The following SUGCT variants were observed in gnomAD, a reference collection of about 807,000 sequenced individuals.
SUGCT encodes succinyl-CoA:glutarate CoA-transferase.
SUGCT carries 41 observed loss-of-function variants against 55.0 expected under a neutral mutation model. The ratio of observed to expected loss-of-function variants is 0.74; its 90% confidence interval spans 0.58 to 0.97. The LOEUF (loss-of-function observed/expected upper bound fraction) is 0.97. Among genes scored for constraint, SUGCT ranks in the 50% least tolerant of loss-of-function variants. The probability of loss-of-function intolerance (pLI) is 0.00; values close to 1 mark genes in which losing one functional copy is unlikely to be tolerated. For synonymous variants in SUGCT, 187 were observed against 200.4 expected (o/e 0.93, Z 0.56); for missense variants, 568 against 547.8 (o/e 1.04, Z -0.37).
At chr7:40,791,142 A>C (rs1404691820) in intron 13 of SUGCT, among the ~76,000 whole-genome samples, 1 of 152,228 alleles carries the variant, frequency 6.6e-6, no homozygotes, top group East Asian at 1.9e-4. Flanking sequence ...TTGACAGAAA[A>C]AGCATTTGCT....
At chr7:40,528,154 T>C (rs1439631653) in intron 12 of SUGCT, among the ~76,000 whole-genome samples, 1 of 152,184 alleles carries the variant, frequency 6.6e-6, no homozygotes. Flanking sequence ...ACAGTGAAGA[T>C]TGAATGAAAT....
At chr7:40,353,991 C>G (rs146434437) in intron 9 of SUGCT, among the ~76,000 whole-genome samples, 46 of 152,188 alleles carry the variant, frequency 3.0e-4, no homozygotes, top group African/African-American at 9.6e-4. Context: ...GACAAGAGAC[C>G]GGGAAGTAGC....
At chr7:40,810,446 A>G (rs1344409822) in intron 13 of SUGCT, among the ~76,000 whole-genome samples, 2 of 152,090 alleles carry the variant, frequency 1.3e-5, no homozygotes, top group Non-Finnish European at 2.9e-5. Flanking sequence ...TTTGACTCTA[A>G]TAATAGCCAT....
intron 13 of SUGCT, among the ~76,000 whole-genome samples, chr7:40,801,900 G>C (rs1272863247): frequency 6.6e-6 from 1 of 151,816 alleles, no homozygotes; most frequent in Non-Finnish European, 1.5e-5. Flanking sequence ...CCATAGACCA[G>C]CTTATATAGC....
intron 7 of SUGCT, among the ~76,000 whole-genome samples, chr7:40,245,786 A>G (rs983760651): frequency 1.3e-5 from 2 of 151,970 alleles, no homozygotes; most frequent in African/African-American, 4.8e-5. Flanking sequence ...ATAGAGGCAT[A>G]CAGTATATAA....
intron 1 of SUGCT, among the ~76,000 whole-genome samples, chr7:40,140,399 T>A (rs1400244443): frequency 6.6e-6 from 1 of 152,022 alleles, no homozygotes; most frequent in Non-Finnish European, 1.5e-5. Flanking sequence ...TGGATCTATG[T>A]GTCTATTTAT....
intron 9 of SUGCT, among the ~76,000 whole-genome samples, chr7:40,434,172 T>C (rs892664504): frequency 2.0e-5 from 3 of 152,224 alleles, no homozygotes; most frequent in African/African-American, 7.2e-5. Flanking sequence ...GTCTAAATTT[T>C]GTTGCAAACC....
chr7:40,352,624 A>G (rs1180630523), intron 9 of SUGCT, among the ~76,000 whole-genome samples: 1 of 152,148 alleles, frequency 6.6e-6, no homozygotes, highest in Admixed American at 6.6e-5. Context: ...CCATAAATAC[A>G]TGATTCATTC....
At chr7:40,572,146 T>C (rs1299296375) in intron 12 of SUGCT, among the ~76,000 whole-genome samples, 1 of 151,938 alleles carries the variant, frequency 6.6e-6, no homozygotes, top group East Asian at 1.9e-4. Context: ...ATGTGGTCAG[T>C]GTTTGCTGGG....
At chr7:41,008,396 C>A in the SUGCT span, among the ~76,000 whole-genome samples, 1 of 152,180 alleles carries the variant, frequency 6.6e-6, no homozygotes, top group Non-Finnish European at 1.5e-5. Context: ...CCTCTCACAT[C>A]CGGGTTTCTT....
chr7:40,197,493 G>T (rs1347074860), intron 6 of SUGCT, among the ~76,000 whole-genome samples: 4 of 152,176 alleles, frequency 2.6e-5, no homozygotes, highest in Non-Finnish European at 5.9e-5. Flanking sequence ...ATACAGACTG[G>T]TTAGGTTTGG....
At chr7:40,247,708 T>G (rs1789998269) in intron 7 of SUGCT, among the ~76,000 whole-genome samples, 2 of 152,186 alleles carry the variant, frequency 1.3e-5, no homozygotes, top group South Asian at 4.1e-4. Context: ...CTTTCCTTTG[T>G]TTTTATTGGA....
chr7:40,450,827 T>G (rs191273906), intron 10 of SUGCT, among the ~76,000 whole-genome samples: 11 of 152,136 alleles, frequency 7.2e-5, no homozygotes, highest in African/African-American at 2.7e-4. Context: ...TGTAGTTAAC[T>G]TATTATGTAC....
At chr7:40,917,848 G>T in the SUGCT span, among the ~76,000 whole-genome samples, 1 of 152,008 alleles carries the variant, frequency 6.6e-6, no homozygotes, top group East Asian at 1.9e-4. Flanking sequence ...TTAGAATGAG[G>T]GCTCTGCTCT....
At chr7:40,930,686 G>T in the SUGCT span, among the ~76,000 whole-genome samples, 1 of 152,174 alleles carries the variant, frequency 6.6e-6, no homozygotes, top group African/African-American at 2.4e-5. Flanking sequence ...TGAAGCAATT[G>T]TGAATGGGAG....
At chr7:40,995,692 T>C in the SUGCT span, among the ~76,000 whole-genome samples, 1 of 152,068 alleles carries the variant, frequency 6.6e-6, no homozygotes, top group African/African-American at 2.4e-5. Flanking sequence ...AATCATCACG[T>C]AAAATGGCTA....
chr7:40,324,248 A>AT (rs1562681083), intron 9 of SUGCT, among the ~76,000 whole-genome samples: 46 of 111,058 alleles, frequency 4.1e-4, no homozygotes, highest in Admixed American at 1.8e-3. Flanking sequence ...TAAATAAATA[A>AT]ATAAATATAT....
chr7:40,798,481 G>A (rs918259138), intron 13 of SUGCT, among the ~76,000 whole-genome samples: 1 of 152,088 alleles, frequency 6.6e-6, no homozygotes, highest in African/African-American at 2.4e-5. Flanking sequence ...ATTTTTATAA[G>A]AATTTTTTTG....
the SUGCT span, among the ~76,000 whole-genome samples, chr7:40,883,095 G>T: frequency 6.6e-6 from 1 of 152,188 alleles, no homozygotes; most frequent in African/African-American, 2.4e-5. Context: ...CCAAGGCAAT[G>T]AGAACTTGGT....
Sources: allele counts gnomAD v4.1 joint callset (sites outside exome capture counted in the v4.1 genomes callset), GRCh38; gene constraint gnomAD v4.1.1; transcripts MANE v1.5; gene names NCBI Gene and HGNC (gene_info 2026-07-23, HGNC 2026-07-21).